The following TAF4B variants were observed in gnomAD, a reference collection of about 807,000 sequenced individuals.
The protein encoded by TAF4B is TATA-box binding protein associated factor 4b.
A neutral mutation model predicts 86.4 loss-of-function variants in TAF4B; 38 were observed. The ratio of observed to expected loss-of-function variants is 0.44; its 90% CI spans 0.34 to 0.58. TAF4B has a LOEUF of 0.58. Among genes scored for constraint, TAF4B ranks in the 20% least tolerant of loss-of-function variants. The probability of loss-of-function intolerance (pLI) is 0.02; values close to 1 mark genes in which losing one functional copy is unlikely to be tolerated. For synonymous variants in TAF4B, 388 were observed against 391.2 expected (o/e 0.99, Z 0.10); for missense variants, 988 against 1,027.6 (o/e 0.96, Z 0.53).
chr18:26,371,761 G>A lies in TAF4B; in HGVS notation c.2421+13967G>A, dbSNP rs539385817. ...GATCTCAGTAAATGATTATACTCCC[G>A]CAACTAGTCCCCAAATTTAAGCCAG... On this transcript the variant is annotated intron_variant, in intron 14 of 14. Transcript: ENST00000269142. Among the ~76,000 whole-genome samples the A allele has an allele frequency of 2.1e-3, 313 of 152,150 alleles. 2 individuals carry two copies. The highest frequency in any genetic ancestry group is 7.3e-3 in the African/African-American group (303 of 41,498).
intron 1 of TAF4B, among the ~76,000 whole-genome samples, chr18:26,239,839 T>C (rs1598711907): frequency 6.6e-6 from 1 of 152,260 alleles, no homozygotes. Flanking sequence ...ATTTATTAAA[T>C]AGGGACTCCT....
At chr18:26,364,994 A>G (rs2057361553) in intron 14 of TAF4B, among the ~76,000 whole-genome samples, 1 of 146,246 alleles carries the variant, frequency 6.8e-6, no homozygotes, top group Non-Finnish European at 1.5e-5. Flanking sequence ...CTACTCTATA[A>G]TTCTATTCTT....
chr18:26,259,843 C>G (rs2056138805), intron 1 of TAF4B, among the ~76,000 whole-genome samples: 2 of 146,778 alleles, frequency 1.4e-5, no homozygotes, highest in South Asian at 4.2e-4. Flanking sequence ...GTTCTAGATC[C>G]TTGAGGAATT....
chr18:26,274,305 TTAA>T (rs1349115687), intron 3 of TAF4B, among the ~76,000 whole-genome samples: 10 of 152,216 alleles, frequency 6.6e-5, no homozygotes, highest in Admixed American at 2.6e-4. Flanking sequence ...TCTTGGAGTA[TTAA>T]TAATATTTTT....
At chr18:26,317,093 G>A (rs1221974355) in intron 10 of TAF4B, among the ~76,000 whole-genome samples, 3 of 145,292 alleles carry the variant, frequency 2.1e-5, no homozygotes, top group African/African-American at 7.7e-5. Flanking sequence ...GCAGTGGCAC[G>A]ATCTCGGCTC....
At chr18:26,332,219 C>G (rs371986557) in intron 12 of TAF4B, among the ~76,000 whole-genome samples, 2 of 152,234 alleles carry the variant, frequency 1.3e-5, no homozygotes, top group South Asian at 4.1e-4. Context: ...TCATAACTGA[C>G]AACCAGCCCG....
At chr18:26,229,978 T>TACAC (rs766665964) in intron 1 of TAF4B, among the ~76,000 whole-genome samples, 96 of 150,902 alleles carry the variant, frequency 6.4e-4, no homozygotes, top group African/African-American at 1.9e-3. Flanking sequence ...TATATATATA[T>TACAC]ACACACACAC....
chr18:26,290,927 A>G (rs541469331), intron 7 of TAF4B, among the ~76,000 whole-genome samples: 3 of 152,298 alleles, frequency 2.0e-5, no homozygotes, highest in East Asian at 1.9e-4. Context: ...CCCTAGAACT[A>G]TAGTACATGA....
At chr18:26,250,428 C>T (rs1415934288) in intron 1 of TAF4B, among the ~76,000 whole-genome samples, 4 of 149,820 alleles carry the variant, frequency 2.7e-5, no homozygotes, top group Non-Finnish European at 4.4e-5. Flanking sequence ...ACCCGGGAGG[C>T]GGAGCTTGCA....
rs182069150 is a variant in TAF4B at position 26,243,131 on chromosome 18, G to C, written c.343+15855G>C. Among the ~76,000 whole-genome samples the C allele has an allele frequency of 2.9e-3, 438 of 152,290 alleles. 4 individuals are homozygous for C. Among genetic ancestry groups the C allele is most frequent in the African/African-American group, 9.9e-3 (413 of 41,558 alleles). The stretch of plus-strand genomic sequence containing the variant: ...ATTTCCTGAATTTGAATGTTGGCCT[G>C]CCTTGCTAGGTTGGGGAAGTTCTCC... On this transcript the variant is annotated intron_variant, in intron 1 of 14. Coordinates refer to ENST00000269142, the MANE Select transcript of TAF4B (RefSeq NM_005640.3).
intron 5 of TAF4B, among the ~76,000 whole-genome samples, chr18:26,281,249 T>A (rs1336639319): frequency 6.6e-6 from 1 of 151,816 alleles, no homozygotes; most frequent in Non-Finnish European, 1.5e-5. Context: ...TTGTACCTCT[T>A]GAATCTAAAA....
intron 1 of TAF4B, among the ~76,000 whole-genome samples, chr18:26,241,619 T>G (rs2055840699): frequency 6.6e-6 from 1 of 152,180 alleles, no homozygotes; most frequent in South Asian, 2.1e-4. Flanking sequence ...ATTTCTTGCC[T>G]TCTGCTAGCT....
intron 13 of TAF4B, among the ~76,000 whole-genome samples, chr18:26,342,235 A>G (rs1485618155): frequency 6.6e-6 from 1 of 152,148 alleles, no homozygotes; most frequent in Admixed American, 6.5e-5. Flanking sequence ...ATTTTTTCAT[A>G]CATTCCTATT....
chr18:26,246,733 A>G (rs914607919), intron 1 of TAF4B, among the ~76,000 whole-genome samples: 2 of 151,990 alleles, frequency 1.3e-5, no homozygotes, highest in African/African-American at 2.4e-5. Flanking sequence ...GGGCTTCACA[A>G]TATTGGCCAG....
At chr18:26,383,169 A>G (rs777038359) in intron 14 of TAF4B, among the ~76,000 whole-genome samples, 5 of 152,204 alleles carry the variant, frequency 3.3e-5, no homozygotes, top group Admixed American at 2.6e-4. Context: ...TCATGCTTAG[A>G]TGTTTAGACT....
intron 1 of TAF4B, among the ~76,000 whole-genome samples, chr18:26,261,982 G>A (rs1225614590): frequency 6.6e-6 from 1 of 152,112 alleles, no homozygotes; most frequent in Non-Finnish European, 1.5e-5. Flanking sequence ...CAAGGTACTG[G>A]GTGTGGGCAG....
At chr18:26,233,414 C>A (rs2055702309) in intron 1 of TAF4B, among the ~76,000 whole-genome samples, 2 of 152,210 alleles carry the variant, frequency 1.3e-5, no homozygotes, top group South Asian at 4.2e-4. Flanking sequence ...ATGACAAAAC[C>A]CGGACTGTTT....
Position 26,274,722 on chromosome 18 carries a change from A to G in TAF4B, c.657A>G (p.Val219=). ...TVTPGKPLNT[V]TTLKPSSLGA... is the part of the protein sequence containing the mutation. ...CTCCTGGAAAGCCATTGAATACTGTAACTACCCTGAAGCCTTCAAGTTTGG... is the reference window on the plus strand; with the variant it reads ...CTCCTGGAAAGCCATTGAATACTGTGACTACCCTGAAGCCTTCAAGTTTGG... Residue 219 remains valine (V), a synonymous_variant, in exon 4 of 15, where the codon GTA becomes GTG. Transcript: ENST00000269142. The G allele has an allele frequency of 6.2e-7, 1 of 1,614,174 alleles. No homozygotes were observed. The highest frequency in any genetic ancestry group is 8.5e-7 in the Non-Finnish European group (1 of 1,180,016).
chr18:26,243,372 G>A (rs552400641), intron 1 of TAF4B, among the ~76,000 whole-genome samples: 2 of 151,962 alleles, frequency 1.3e-5, no homozygotes, highest in African/African-American at 2.4e-5. Flanking sequence ...CCAGTTGATC[G>A]AATCGGCTAC....
Sources: gnomAD v4.1 joint callset for allele counts (sites outside exome capture counted in the v4.1 genomes callset) on GRCh38, gnomAD v4.1.1 for gene constraint, MANE v1.5 for transcripts, NCBI Gene and HGNC (gene_info 2026-07-23, HGNC 2026-07-21) for gene names.